The following DMD variants were observed in gnomAD, a reference collection of about 807,000 sequenced individuals.
The protein encoded by DMD is mutant dystrophin.
A neutral mutation model predicts 330.1 loss-of-function variants in DMD; 63 were observed. The observed-to-expected ratio is 0.19, with a 90% confidence interval of 0.16 to 0.24. DMD has a LOEUF of 0.24. DMD is among the 10% of genes least tolerant of loss of function. DMD has a pLI of 1.00. For missense variants in DMD, 3,344 were observed against 2,684.1 expected (o/e 1.25, Z -5.43); for synonymous variants, 1,223 against 959.8 (o/e 1.27, Z -5.07).
intron 44 of DMD, among the ~76,000 whole-genome samples, chrX:31,988,243 T>C (rs1011092335): frequency 2.5e-4 from 27 of 109,037 alleles, no homozygotes; most frequent in Admixed American, 1.8e-3. Context: ...GAGGCCAAGG[T>C]GGGTGGATCA....
intron 43 of DMD, among the ~76,000 whole-genome samples, chrX:32,265,437 A>G (rs5927952): frequency 0.24 from 26,932 of 111,734 alleles, 2,471 homozygotes; most frequent in Middle Eastern, 0.32. Flanking sequence ...GGGCCCTCAG[A>G]GAGAACCTCT....
chrX:32,749,353 G>A (rs1289690044), intron 7 of DMD, among the ~76,000 whole-genome samples: 10 of 111,898 alleles, frequency 8.9e-5, no homozygotes, highest in Non-Finnish European at 1.7e-4. Flanking sequence ...CAGCTAAATG[G>A]TATGCAATGA....
At chrX:32,260,046 T>C (rs1428184105) in intron 43 of DMD, among the ~76,000 whole-genome samples, 1 of 111,150 alleles carries the variant, frequency 9.0e-6, no homozygotes, top group Admixed American at 9.6e-5. Context: ...GTGAAGAAAA[T>C]TAGTACTCTT....
At position 32,809,579 on chromosome X, in the gene DMD, C is replaced by A. The variant is rs2148751620; in HGVS notation, c.563G>T (p.Cys188Phe). 1 of 1,210,782 alleles carries A rather than the reference C, an allele frequency of 8.3e-7. No individual in the cohort carries two copies. Among genetic ancestry groups the A allele is most frequent in the Non-Finnish European group, 1.1e-6 (1 of 895,079 alleles). Reference sequence around the variant, plus strand: ...CAGTCGTTGTGTGGCTGACTGCTGGCAAACCACACTATTCCAGTCAAATAG... The same window carrying A: ...CAGTCGTTGTGTGGCTGACTGCTGGAAAACCACACTATTCCAGTCAAATAG... ...PDLFDWNSVV[C>F]QQSATQRLEH... Residue 188 changes from cysteine (C) to phenylalanine (F), a missense_variant, in exon 7 of 79, where the codon TGC becomes TTC. Physicochemically the swap from Cys to Phe is radical, Grantham distance 205. Coordinates refer to ENST00000357033, the MANE Select transcript of DMD (RefSeq NM_004006.3).
chrX:31,370,518 A>G (rs2148651127), intron 60 of DMD, among the ~76,000 whole-genome samples: 1 of 112,426 alleles, frequency 8.9e-6, no homozygotes, highest in Admixed American at 9.4e-5. Flanking sequence ...AATGGCTAAA[A>G]ATAAAAAATA....
At chrX:32,492,910 C>G (rs778840959) in intron 19 of DMD, among the ~76,000 whole-genome samples, 4 of 111,118 alleles carry the variant, frequency 3.6e-5, no homozygotes, top group East Asian at 2.8e-4. Context: ...GGTTCTTTCT[C>G]TAGGTTAAAA....
chrX:32,008,396 A>G (rs1414380308), intron 44 of DMD, among the ~76,000 whole-genome samples: 1 of 112,103 alleles, frequency 8.9e-6, no homozygotes, highest in Non-Finnish European at 1.9e-5. Context: ...ACACTCATTT[A>G]TTTAATTCCA....
intron 12 of DMD, among the ~76,000 whole-genome samples, chrX:32,611,273 G>C (rs149352277): frequency 0.053 from 5,822 of 110,011 alleles, 150 homozygotes; most frequent in African/African-American, 0.079. Flanking sequence ...TGCTCAAATA[G>C]TTAAAAGTAG....
intron 1 of DMD, among the ~76,000 whole-genome samples, chrX:33,093,417 T>G (rs1157284011): frequency 8.9e-6 from 1 of 112,682 alleles, no homozygotes; most frequent in Non-Finnish European, 1.9e-5. Context: ...GTCTTGTTAC[T>G]GTTTTGTTTT....
intron 60 of DMD, among the ~76,000 whole-genome samples, chrX:31,391,021 C>T (rs1209182003): frequency 8.9e-6 from 1 of 112,018 alleles, no homozygotes; most frequent in African/African-American, 3.2e-5. Flanking sequence ...ACTGACCTAA[C>T]CTTCAGATTT....
intron 2 of DMD, among the ~76,000 whole-genome samples, chrX:32,912,983 A>T (rs1012857629): frequency 1.8e-5 from 2 of 112,452 alleles, no homozygotes; most frequent in African/African-American, 6.5e-5. Flanking sequence ...TAACAACATC[A>T]ACCTAAAAGA....
At chrX:32,395,840 T>C (rs962090918) in intron 30 of DMD, among the ~76,000 whole-genome samples, 1 of 111,401 alleles carries the variant, frequency 9.0e-6, no homozygotes, top group Admixed American at 9.6e-5. Context: ...TAGTAAGAAT[T>C]ACTATCTAGA....
At chrX:31,833,567 G>C (rs916938030) in intron 49 of DMD, among the ~76,000 whole-genome samples, 1 of 111,367 alleles carries the variant, frequency 9.0e-6, no homozygotes, top group African/African-American at 3.3e-5. Context: ...AAAGAAGTTG[G>C]TTAGTCAGAG....
chrX:32,436,786 C>A (rs957891962), intron 29 of DMD, among the ~76,000 whole-genome samples: 1 of 108,153 alleles, frequency 9.2e-6, no homozygotes, highest in Non-Finnish European at 1.9e-5. Context: ...ACAACATTTC[C>A]ACACACACAC....
At chrX:33,315,962 T>C (rs2053927439) in intron 1 of DMD, among the ~76,000 whole-genome samples, 1 of 111,249 alleles carries the variant, frequency 9.0e-6, no homozygotes, top group African/African-American at 3.3e-5. Flanking sequence ...TGAGTCAAGA[T>C]TCAGTTTTCT....
At chrX:32,889,333 A>G (rs1387850206) in intron 2 of DMD, among the ~76,000 whole-genome samples, 1 of 111,050 alleles carries the variant, frequency 9.0e-6, no homozygotes, top group South Asian at 3.8e-4. Flanking sequence ...CAAGGGAACC[A>G]CCATGTTTCT....
intron 1 of DMD, among the ~76,000 whole-genome samples, chrX:33,163,354 T>C (rs1466239827): frequency 9.2e-6 from 1 of 108,312 alleles, no homozygotes; most frequent in African/African-American, 3.4e-5. Context: ...CTGGCCAACA[T>C]GGTGAAACTC....
At chrX:31,535,670 T>C (rs778193931) in intron 55 of DMD, among the ~76,000 whole-genome samples, 84 of 111,847 alleles carry the variant, frequency 7.5e-4, no homozygotes, top group Non-Finnish European at 1.4e-3. Context: ...GTTTACTGTA[T>C]GATTGTTTTA....
At chrX:32,588,781 A>AT (rs2054566187) in intron 13 of DMD, among the ~76,000 whole-genome samples, 1 of 112,001 alleles carries the variant, frequency 8.9e-6, no homozygotes, top group East Asian at 2.8e-4. Context: ...GTTGAGAAAT[A>AT]TTTTGACATT....
Sources: allele counts gnomAD v4.1 joint callset (sites outside exome capture counted in the v4.1 genomes callset), GRCh38; gene constraint gnomAD v4.1.1; transcripts MANE v1.5; gene names NCBI Gene and HGNC (gene_info 2026-07-23, HGNC 2026-07-21).